The following SZRD1 variants were observed in gnomAD, a reference collection of about 807,000 sequenced individuals.
SZRD1 encodes the protein SUZ RNA binding domain containing 1, also known as SUZ RNA-binding domain-containing.
Under a neutral mutation model 17.6 loss-of-function variants are expected in SZRD1, and 7 were observed. That is an observed-to-expected ratio of 0.40 (90% CI 0.23 to 0.75). SZRD1 has a LOEUF of 0.75. Among genes scored for constraint, SZRD1 ranks in the 30% least tolerant of loss-of-function variants. SZRD1 has a pLI of 0.38. For missense variants in SZRD1, 178 were observed against 201.8 expected (o/e 0.88, Z 0.71); for synonymous variants, 77 against 77.9 (o/e 0.99, Z 0.06).
intron 1 of SZRD1, among the ~76,000 whole-genome samples, chr1:16,379,760 G>GTTTT (rs35016930): frequency 4.6e-5 from 6 of 130,986 alleles, no homozygotes; most frequent in Non-Finnish European, 4.8e-5. Flanking sequence ...TTGATTTGGG[G>GTTTT]TTTTTTTTTT....
At chr1:16,373,260 G>GAT (rs1027081077) in intron 1 of SZRD1, among the ~76,000 whole-genome samples, 57 of 150,234 alleles carry the variant, frequency 3.8e-4, no homozygotes, top group African/African-American at 1.3e-3. Context: ...GCAGAAGAGT[G>GAT]ATATAGCTAG....
At chr1:16,378,909 T>C (rs916600051) in intron 1 of SZRD1, among the ~76,000 whole-genome samples, 3 of 147,076 alleles carry the variant, frequency 2.0e-5, no homozygotes, top group Non-Finnish European at 3.0e-5. Flanking sequence ...GTATTTTTGG[T>C]GGAGAGGAGG....
At position 16,383,197 on chromosome 1, in the gene SZRD1, C is replaced by T. The variant is rs536654330; in HGVS notation, c.52-8178C>T. 4.7e-5 allele frequency among the ~76,000 whole-genome samples: 7 copies of T among 149,640 alleles called. No homozygotes were observed. In the South Asian group the frequency reaches 1.1e-3, roughly 23 times the overall value. On this transcript the variant is annotated intron_variant, in intron 1 of 3. Transcript: ENST00000401088. The stretch of plus-strand genomic sequence containing the variant: ...CTTTCTCTCCTTCCTTCCTTCCTTC[C>T]TTCTTGCTTGCTTCTTTCCTTTTTT...
intron 1 of SZRD1, among the ~76,000 whole-genome samples, chr1:16,382,613 G>T (rs958966975): frequency 6.6e-6 from 1 of 151,718 alleles, no homozygotes; most frequent in Non-Finnish European, 1.5e-5. Flanking sequence ...TCCTGCCTCA[G>T]TCTCCCGAGC....
intron 3 of SZRD1, 100 bp from the exon 4 acceptor site, chr1:16,394,938 G>A (rs920487361): frequency 1.4e-6 from 1 of 733,800 alleles, no homozygotes; most frequent in African/African-American, 1.8e-5. Flanking sequence ...CTAGGTGACA[G>A]AATGAGACTC....
chr1:16,388,317 C>G lies in SZRD1; in HGVS notation c.52-3058C>G, dbSNP rs551640895. Among the ~76,000 whole-genome samples the G allele has an allele frequency of 1.6e-3, 238 of 152,190 alleles. 2 individuals carry two copies. Among genetic ancestry groups the G allele is most frequent in the African/African-American group, 5.5e-3 (230 of 41,510 alleles). On this transcript the variant is annotated intron_variant, in intron 1 of 3. Coordinates refer to ENST00000401088, the MANE Select transcript of SZRD1 (RefSeq NM_001114600.3). ...GTTTCACCTTGTTGACCAGGCTGGTCTTGAACTCCTGACCTCAAGTGATTC... is the reference window on the plus strand; with the variant it reads ...GTTTCACCTTGTTGACCAGGCTGGTGTTGAACTCCTGACCTCAAGTGATTC...
chr1:16,370,261 C>A (rs1284981391), intron 1 of SZRD1, among the ~76,000 whole-genome samples: 2 of 151,060 alleles, frequency 1.3e-5, no homozygotes, highest in African/African-American at 4.9e-5. Context: ...GGTCTTACTC[C>A]ATTGCCCAGG....
intron 1 of SZRD1, among the ~76,000 whole-genome samples, chr1:16,379,881 C>T (rs1271200292): frequency 6.6e-6 from 1 of 151,920 alleles, no homozygotes; most frequent in Non-Finnish European, 1.5e-5. Context: ...CTGCCTCAGC[C>T]TCCCAAGTAG....
At chr1:16,376,640 T>C (rs1176923992) in intron 1 of SZRD1, among the ~76,000 whole-genome samples, 2 of 151,742 alleles carry the variant, frequency 1.3e-5, no homozygotes, top group African/African-American at 2.4e-5. Flanking sequence ...ACCTTGTCTC[T>C]ACTGAAAATA....
rs1424440240 is a variant in SZRD1 at position 16,397,129 on chromosome 1, T to C, written c.*1989T>C. 1.3e-5 allele frequency: 2 copies of C among 152,280 alleles called. No homozygotes were observed. Among genetic ancestry groups the C allele is most frequent in the African/African-American group, 4.8e-5 (2 of 41,464 alleles). The allele number at this position is 152,280 out of a possible 1,614,324, so 9.4% of individuals were successfully genotyped here. A position where few individuals can be genotyped will look rare whatever the true frequency, so the allele number is the denominator to read the frequency against. ...GCCAGAAGTGCTGATTGCCCAGCCA[T>C]TGGGACCACCTGTTCTTGCCCCACT... On this transcript the variant is annotated 3_prime_UTR_variant, in exon 4 of 4. Transcript: ENST00000401088. This position sits in a 1 kb window ranked among gnomAD's most constrained non-coding sequence, Gnocchi z 5.4.
chr1:16,395,133 G>T lies in SZRD1; in HGVS notation c.452G>T (p.Arg151Leu). ...GPDGSQGFKQ[R>L]R is the part of the protein sequence containing the mutation. ...GATGGGTCTCAAGGCTTCAAACAGCGCAGATAAATGCAGGCAAGAAAAGAT... is the reference window on the plus strand; with the variant it reads ...GATGGGTCTCAAGGCTTCAAACAGCTCAGATAAATGCAGGCAAGAAAAGAT... The change falls in exon 4 of 4, where the codon CGC becomes CTC. Residue 151 changes from arginine (R) to leucine (L), a missense_variant. Around this residue, in one of 3 missense-constraint regions of SZRD1, gnomAD observed 57 missense variants for 71.9 expected, o/e 0.79. Coordinates refer to ENST00000401088, the MANE Select transcript of SZRD1 (RefSeq NM_001114600.3). The T allele has an allele frequency of 6.2e-7, 1 of 1,609,656 alleles. No individual in the cohort carries two copies.
chr1:16,379,760 G>GTTT (rs35016930), intron 1 of SZRD1, among the ~76,000 whole-genome samples: 39 of 130,982 alleles, frequency 3.0e-4, no homozygotes, highest in Admixed American at 4.7e-4. Flanking sequence ...TTGATTTGGG[G>GTTT]TTTTTTTTTT....
In SZRD1 at chr1:16,393,732, C is replaced by T. The variant is rs930225737; in HGVS notation, c.356+250C>T. Among the ~76,000 whole-genome samples, 2 of 152,132 alleles carry T rather than the reference C, an allele frequency of 1.3e-5. No individual in the cohort carries two copies. The highest frequency in any genetic ancestry group is 2.4e-5 in the African/African-American group (1 of 41,422). On this transcript the variant is annotated intron_variant, in intron 3 of 3. Coordinates refer to ENST00000401088, the MANE Select transcript of SZRD1 (RefSeq NM_001114600.3). This position sits in a 1 kb window ranked among gnomAD's most constrained non-coding sequence, Gnocchi z 5.6. Reference sequence around the variant, plus strand: ...TGCTCCCTCTGCGGTTGGTAGTCACCGGGGGCACTGTTGTGTAGAGAGTGA... The same window carrying T: ...TGCTCCCTCTGCGGTTGGTAGTCACTGGGGGCACTGTTGTGTAGAGAGTGA...
At chr1:16,394,997 A>G in intron 3 of SZRD1, 41 bp from the exon 4 acceptor site, 1 of 1,134,986 alleles carries the variant, frequency 8.8e-7, no homozygotes, top group Non-Finnish European at 1.3e-6. Context: ...GACATCTATT[A>G]TATCCTTCTT....
At chr1:16,370,063 A>G (rs1221601287) in intron 1 of SZRD1, among the ~76,000 whole-genome samples, 3 of 152,118 alleles carry the variant, frequency 2.0e-5, no homozygotes, top group African/African-American at 4.8e-5. Context: ...GGAGGTTTCG[A>G]GAGTAACCTG....
chr1:16,389,956 G>A (rs902372437), intron 1 of SZRD1, among the ~76,000 whole-genome samples: 3 of 152,182 alleles, frequency 2.0e-5, no homozygotes, highest in African/African-American at 7.2e-5. Flanking sequence ...ATAGTTCTTT[G>A]TGTGGGGCTG....
intron 1 of SZRD1, among the ~76,000 whole-genome samples, chr1:16,390,954 G>C (rs531734613): frequency 4.6e-5 from 7 of 152,254 alleles, no homozygotes; most frequent in African/African-American, 1.7e-4. Context: ...GACTAGGTCT[G>C]CAAGCAGTTG....
At chr1:16,382,462 A>G (rs1478546045) in intron 1 of SZRD1, among the ~76,000 whole-genome samples, 1 of 145,380 alleles carries the variant, frequency 6.9e-6, no homozygotes, top group East Asian at 2.1e-4. Flanking sequence ...TGCTGGGATT[A>G]CAGGCATGAA....
intron 1 of SZRD1, among the ~76,000 whole-genome samples, chr1:16,384,801 T>C (rs2083161344): frequency 6.6e-6 from 1 of 152,220 alleles, no homozygotes; most frequent in Non-Finnish European, 1.5e-5. Context: ...TGTGGGACCC[T>C]GATTCTGGGA....
Sources: gnomAD v4.1 joint callset for allele counts (sites outside exome capture counted in the v4.1 genomes callset) on GRCh38, gnomAD v4.1.1 for gene constraint, gnomAD v4.1.1 regional missense constraint, Gnocchi (gnomAD v3.1) non-coding constraint, MANE v1.5 for transcripts, NCBI Gene and HGNC (gene_info 2026-07-23, HGNC 2026-07-21) for gene names.